Variants in ANKRD55 observed in about 807,000 individuals in gnomAD.
The protein encoded by ANKRD55 is ankyrin repeat domain 55, also known as ankyrin repeat domain-containing protein 55.
In ANKRD55, 41 loss-of-function variants were observed where a neutral mutation model predicts 60.6. That is an observed-to-expected ratio of 0.68 (90% CI 0.53 to 0.88). The LOEUF (loss-of-function observed/expected upper bound fraction) is 0.88, where lower values mean the gene tolerates loss of function less well. Among genes scored for constraint, ANKRD55 ranks in the 40% least tolerant of loss-of-function variants. ANKRD55 has a pLI of 0.00. For synonymous variants in ANKRD55, 264 were observed against 290.3 expected (o/e 0.91, Z 0.92); for missense variants, 732 against 767.6 (o/e 0.95, Z 0.55).
At chr5:56,167,927 A>G (rs1177234894) in intron 5 of ANKRD55, among the ~76,000 whole-genome samples, 1 of 152,234 alleles carries the variant, frequency 6.6e-6, no homozygotes, top group African/African-American at 2.4e-5. Context: ...GAACCTAATC[A>G]ACTGATCCAA....
At position 56,201,730 on chromosome 5, in the gene ANKRD55, T is replaced by C. The variant is rs145935590; in HGVS notation, c.59-18096A>G. ...TAAATATTCAAAGTGTGTTAATTAG[T>C]GGGGTGATTCCTCAAAGACCAAGAG... On this transcript the variant is annotated intron_variant, in intron 2 of 11. Coordinates refer to ENST00000341048, the MANE Select transcript of ANKRD55 (RefSeq NM_024669.3). Among the ~76,000 whole-genome samples the C allele has an allele frequency of 2.6e-5, 4 of 152,320 alleles. No individual in the cohort carries two copies. The East Asian group carries it at 7.7e-4, about 29-fold the overall frequency.
chr5:56,128,345 C>T (rs1210915331), intron 7 of ANKRD55, among the ~76,000 whole-genome samples: 5 of 152,158 alleles, frequency 3.3e-5, no homozygotes, highest in Non-Finnish European at 5.9e-5. Flanking sequence ...TACTCTCTTC[C>T]TTTCGCCTCC....
At chr5:56,143,003 C>T (rs1448060655) in intron 7 of ANKRD55, among the ~76,000 whole-genome samples, 10 of 152,180 alleles carry the variant, frequency 6.6e-5, no homozygotes, top group Non-Finnish European at 1.5e-5. Flanking sequence ...TTCTGCTGTA[C>T]TTGGCACATG....
intron 9 of ANKRD55, among the ~76,000 whole-genome samples, chr5:56,115,152 A>T (rs568179777): frequency 3.3e-5 from 5 of 152,050 alleles, no homozygotes; most frequent in African/African-American, 1.2e-4. Flanking sequence ...GTAAGCCATG[A>T]TTATGCCACT....
At chr5:56,162,044 T>C (rs1022104585) in intron 5 of ANKRD55, 9 of 985,258 alleles carry the variant, frequency 9.1e-6, no homozygotes, top group African/African-American at 8.7e-5. Context: ...TATTGGCCAT[T>C]GTTTACTCTC....
chr5:56,126,922 C>A lies in ANKRD55; in HGVS notation c.797G>T (p.Arg266Met). 6.2e-7 allele frequency: 1 copy of A among 1,600,922 alleles called. No individual in the cohort carries two copies. The highest frequency in any genetic ancestry group is 8.5e-7 in the Non-Finnish European group (1 of 1,172,976). The change falls in exon 8 of 12, where the codon AGG becomes ATG. Residue 266 changes from arginine to methionine, a missense_variant and splice_region_variant. Around this residue, in one of 3 missense-constraint regions of ANKRD55, gnomAD observed 597 missense variants for 607.5 expected, o/e 0.98. Coordinates refer to ENST00000341048, the MANE Select transcript of ANKRD55 (RefSeq NM_024669.3). The part of the protein sequence containing the change: ...CNLQALDVDD[R>M]TPLHWAAAAG... ...AGCACTTTCTGGTTACCATGGATAC[C>A]TGTCATCCACATCCAGAGCCTGCAG... is the stretch of plus-strand genomic sequence containing the variant.
chr5:56,213,024 C>A lies in ANKRD55; in HGVS notation c.58+19832G>T, dbSNP rs537405640. Among the ~76,000 whole-genome samples the A allele has an allele frequency of 8.5e-5, 13 of 152,280 alleles. No individual in the cohort carries two copies. The East Asian group carries it at 2.1e-3, about 25-fold the overall frequency. Reference sequence around the variant, plus strand: ...ACTATATTGTGGTCCTGGTGTTCTACCTTCTGAGACTAAGATGCCTTCTGG... The same window carrying A: ...ACTATATTGTGGTCCTGGTGTTCTAACTTCTGAGACTAAGATGCCTTCTGG... On this transcript the variant is annotated intron_variant, in intron 2 of 11. Coordinates refer to ENST00000341048, the MANE Select transcript of ANKRD55 (RefSeq NM_024669.3).
chr5:56,157,356 A>T (rs916754316), intron 6 of ANKRD55, among the ~76,000 whole-genome samples: 24 of 152,334 alleles, frequency 1.6e-4, no homozygotes, highest in African/African-American at 5.8e-4. Context: ...CCCATGTGAT[A>T]GTCTGAAATA....
chr5:56,120,184 G>C (rs1401607241), intron 8 of ANKRD55, among the ~76,000 whole-genome samples: 4 of 151,872 alleles, frequency 2.6e-5, no homozygotes, highest in African/African-American at 4.8e-5. Context: ...TTACAGGCAC[G>C]GGCCACCACA....
At chr5:56,193,182 G>T in intron 2 of ANKRD55, 1 of 741,030 alleles carries the variant, frequency 1.3e-6, no homozygotes, top group Non-Finnish European at 2.2e-6. Context: ...GGAGGAGCAG[G>T]ATATTTACTA....
intron 2 of ANKRD55, among the ~76,000 whole-genome samples, chr5:56,194,031 T>G (rs1759171242): frequency 6.6e-6 from 1 of 152,112 alleles, no homozygotes; most frequent in African/African-American, 2.4e-5. Context: ...TAAAGAAAAT[T>G]TTAGGGCTGG....
Position 56,111,419 on chromosome 5 carries a change from G to T in ANKRD55, c.1329C>A (p.Gly443=), listed in dbSNP as rs1756693948. 1 of 1,614,152 alleles carries T rather than the reference G, an allele frequency of 6.2e-7. No homozygotes were observed. Among genetic ancestry groups the T allele is most frequent in the African/African-American group, 1.3e-5 (1 of 75,052 alleles). The change falls in exon 10 of 12, where the codon GGC becomes GGA. Residue 443 remains glycine (G), a synonymous_variant. Coordinates refer to ENST00000341048, the MANE Select transcript of ANKRD55 (RefSeq NM_024669.3). The part of the protein sequence containing the change: ...RTQSLPPITL[G]NNFLTASHRA... Reference sequence around the variant, plus strand: ...TATGGGAGGCTGTTAGGAAGTTATTGCCCAGGGTGATGGGTGGGAGACTCT... The same window carrying T: ...TATGGGAGGCTGTTAGGAAGTTATTTCCCAGGGTGATGGGTGGGAGACTCT...
intron 3 of ANKRD55, among the ~76,000 whole-genome samples, chr5:56,183,023 G>C (rs951542479): frequency 3.3e-5 from 5 of 152,180 alleles, no homozygotes; most frequent in Admixed American, 2.6e-4. Context: ...GGAGAGACAA[G>C]GCAAGAAGAA....
intron 8 of ANKRD55, among the ~76,000 whole-genome samples, chr5:56,123,796 C>A (rs531958134): frequency 2.7e-4 from 41 of 152,134 alleles, no homozygotes; most frequent in African/African-American, 8.9e-4. Flanking sequence ...TAGATAATCT[C>A]TAATATACTC....
At chr5:56,168,824 C>T (rs1413284195) in intron 5 of ANKRD55, among the ~76,000 whole-genome samples, 4 of 152,188 alleles carry the variant, frequency 2.6e-5, no homozygotes, top group Non-Finnish European at 5.9e-5. Context: ...GAGCCACCTA[C>T]CACCCCCCTA....
chr5:56,135,282 G>T (rs879626619), intron 7 of ANKRD55, among the ~76,000 whole-genome samples: 28 of 52,582 alleles, frequency 5.3e-4, no homozygotes, highest in Non-Finnish European at 6.4e-4. Flanking sequence ...CTCCCTCCCT[G>T]CCTGCCTGCT....
intron 2 of ANKRD55, among the ~76,000 whole-genome samples, chr5:56,214,016 C>G (rs1483656557): frequency 1.3e-5 from 2 of 152,232 alleles, no homozygotes; most frequent in African/African-American, 4.8e-5. Flanking sequence ...AAAGGAGAAG[C>G]AGAGGCACAT....
At chr5:56,203,239 G>A (rs965881074) in intron 2 of ANKRD55, among the ~76,000 whole-genome samples, 2 of 152,266 alleles carry the variant, frequency 1.3e-5, no homozygotes, top group East Asian at 3.9e-4. Flanking sequence ...ACATGTTGGC[G>A]GAGGGACCTC....
chr5:56,119,684 G>T (rs910199731), intron 8 of ANKRD55, among the ~76,000 whole-genome samples: 11 of 152,276 alleles, frequency 7.2e-5, no homozygotes, highest in African/African-American at 2.4e-4. Context: ...GGAGGCAGAG[G>T]TGGGAGATTG....
Sources: gnomAD v4.1 joint callset for allele counts (sites outside exome capture counted in the v4.1 genomes callset) on GRCh38, gnomAD v4.1.1 for gene constraint, gnomAD v4.1.1 regional missense constraint, MANE v1.5 for transcripts, NCBI Gene and HGNC (gene_info 2026-07-23, HGNC 2026-07-21) for gene names.